The following ANKRD10 variants were observed in gnomAD, a reference collection of about 807,000 sequenced individuals.
ANKRD10 encodes the protein ankyrin repeat domain-containing protein 10.
In ANKRD10, 14 loss-of-function variants were observed where a neutral mutation model predicts 27.0. The ratio of observed to expected loss-of-function variants is 0.52; its 90% CI spans 0.34 to 0.81. The LOEUF (loss-of-function observed/expected upper bound fraction) is 0.81, where lower values mean the gene tolerates loss of function less well. Among genes scored for constraint, ANKRD10 ranks in the 40% least tolerant of loss-of-function variants. The pLI is 0.01. For synonymous variants in ANKRD10, 250 were observed against 224.5 expected (o/e 1.11, Z -1.01); for missense variants, 493 against 544.0 (o/e 0.91, Z 0.93).
chr13:110,906,004 G>C, intron 3 of ANKRD10, 29 bp downstream of exon 3: 1 of 1,551,866 alleles, frequency 6.4e-7, no homozygotes, highest in Non-Finnish European at 8.8e-7. Context: ...TACATCTTTA[G>C]CTGGAAAGAA....
intron 3 of ANKRD10, among the ~76,000 whole-genome samples, chr13:110,897,294 CTTT>C (rs35945478): frequency 1.4e-4 from 18 of 127,514 alleles, no homozygotes; most frequent in African/African-American, 3.3e-4. Context: ...TGCCTGGCTA[CTTT>C]TTTTTTTTTT....
In ANKRD10 at chr13:110,883,743, C is replaced by A; in HGVS notation, c.742G>T (p.Asp248Tyr). 6.2e-7 allele frequency: 1 copy of A among 1,614,188 alleles called. No individual in the cohort carries two copies. Among genetic ancestry groups the A allele is most frequent in the South Asian group, 1.1e-5 (1 of 91,082 alleles). The change falls in exon 5 of 6, where the codon GAT becomes TAT. Residue 248 changes from aspartate (D) to tyrosine (Y), a missense_variant. Transcript: ENST00000267339. Reference sequence around the variant, plus strand: ...CTATCAACGTGCATTTTGTCAGCATCGTCTTCTGTGTCGCCATTCGTGAGT... The same window carrying A: ...CTATCAACGTGCATTTTGTCAGCATAGTCTTCTGTGTCGCCATTCGTGAGT... ...VPLTNGDTED[D>Y]ADKMHVDREF...
chr13:110,910,824 A>C (rs1279941978), intron 1 of ANKRD10, 54 bp from the exon 2 acceptor site: 5 of 1,521,098 alleles, frequency 3.3e-6, no homozygotes, highest in Non-Finnish European at 4.4e-6. Flanking sequence ...TACACTATTC[A>C]ATATTACATG....
Position 110,879,347 on chromosome 13 carries a change from A to G in ANKRD10, c.*290T>C. Reference sequence around the variant, plus strand: ...TCTTTTAACAAAAAGAAAAATGGCAATATCTGGTGACAGTATTAAAAAGAC... The same window carrying G: ...TCTTTTAACAAAAAGAAAAATGGCAGTATCTGGTGACAGTATTAAAAAGAC... On this transcript the variant is annotated 3_prime_UTR_variant, in exon 6 of 6. Transcript: ENST00000267339. The G allele has an allele frequency of 3.0e-6, 1 of 338,338 alleles. No homozygotes were observed. Among genetic ancestry groups the G allele is most frequent in the South Asian group, 7.0e-5 (1 of 14,230 alleles). The allele number at this position is 338,338 out of a possible 1,614,324, so 21.0% of individuals were successfully genotyped here. A position where few individuals can be genotyped will look rare whatever the true frequency, so the allele number is the denominator to read the frequency against.
chr13:110,891,018 CTG>C (rs1555320547), intron 4 of ANKRD10, among the ~76,000 whole-genome samples: 1 of 152,086 alleles, frequency 6.6e-6, no homozygotes, highest in African/African-American at 2.4e-5. Context: ...CTTAGAAACT[CTG>C]AGACTAGTTT....
chr13:110,914,915 C>A lies in ANKRD10; in HGVS notation c.20G>T (p.Gly7Val). 2.0e-6 allele frequency: 3 copies of A among 1,534,964 alleles called. No individual in the cohort carries two copies. Among genetic ancestry groups the A allele is most frequent in the Non-Finnish European group, 1.7e-6 (2 of 1,145,364 alleles). ...GGAGAAGCCCGCCTCTACGCCCGCG[C>A]CCGCTCCCGCCGCCGACATGGTCCG... MSAAGA[G>V]AGVEAGFSSE... Residue 7 changes from glycine (G) to valine (V), a missense_variant, in exon 1 of 6, where the codon GGC (glycine) becomes GTC (valine). Transcript: ENST00000267339.
chr13:110,890,777 G>GA (rs1454200743), intron 4 of ANKRD10, among the ~76,000 whole-genome samples: 1 of 148,592 alleles, frequency 6.7e-6, no homozygotes, highest in Non-Finnish European at 1.5e-5. Flanking sequence ...TTGGGACCAG[G>GA]AATGTATAGT....
intron 3 of ANKRD10, among the ~76,000 whole-genome samples, chr13:110,896,295 T>G (rs1309665141): frequency 1.3e-5 from 2 of 152,232 alleles, no homozygotes; most frequent in Non-Finnish European, 2.9e-5. Context: ...CTGCTTCTAG[T>G]GAGGTACAAG....
At chr13:110,902,064 AAAAAAAAG>A (rs2065399581) in intron 3 of ANKRD10, among the ~76,000 whole-genome samples, 3 of 151,396 alleles carry the variant, frequency 2.0e-5, no homozygotes, top group African/African-American at 4.8e-5. Flanking sequence ...AAAAAAAAAA[AAAAAAAAG>A]AGGAGGCAAA....
chr13:110,884,411 G>T (rs535309442), intron 4 of ANKRD10, among the ~76,000 whole-genome samples: 1 of 152,254 alleles, frequency 6.6e-6, no homozygotes, highest in African/African-American at 2.4e-5. Flanking sequence ...AGATGCGAAT[G>T]CCCCATGTCA....
At chr13:110,904,438 G>A (rs1302593600) in intron 3 of ANKRD10, 1 of 152,124 alleles carries the variant, frequency 6.6e-6, no homozygotes, top group Non-Finnish European at 1.5e-5. Context: ...TGGCTGAAAA[G>A]ATTAAGCTAT....
chr13:110,892,914 G>A (rs1017012576), intron 4 of ANKRD10, 114 bp downstream of exon 4: 35 of 1,480,396 alleles, frequency 2.4e-5, no homozygotes, highest in Admixed American at 7.2e-5. Flanking sequence ...TCCACCAGGC[G>A]CATTACCACC....
chr13:110,915,066 G>C lies in ANKRD10; in HGVS notation c.-132C>G, dbSNP rs975168573. On this transcript the variant is annotated 5_prime_UTR_variant, in exon 1 of 6. Coordinates refer to ENST00000267339, the MANE Select transcript of ANKRD10 (RefSeq NM_017664.4). ...CGTCCCACAGGCTGCCGAGCGGAGC[G>C]CGCACAGAGGGGGCGGGGCGGGGCC... is the stretch of plus-strand genomic sequence containing the variant. 7.2e-7 allele frequency: 1 copy of C among 1,398,150 alleles called. No individual in the cohort carries two copies. The highest frequency in any genetic ancestry group is 9.3e-7 in the Non-Finnish European group (1 of 1,080,940). 86.6% of individuals were successfully genotyped at this position (1,398,150 alleles called of 1,614,324 possible).
At chr13:110,882,203 A>G (rs550168744) in intron 5 of ANKRD10, among the ~76,000 whole-genome samples, 67 of 152,314 alleles carry the variant, frequency 4.4e-4, no homozygotes, top group African/African-American at 1.5e-3. Flanking sequence ...ATAGCTGTAC[A>G]CAGTTGTTCA....
At chr13:110,893,401 TAATC>T (rs2065135849) in intron 3 of ANKRD10, 138 bp from the exon 4 acceptor site, 6 of 766,158 alleles carry the variant, frequency 7.8e-6, no homozygotes, top group South Asian at 3.8e-5. Context: ...AAGAAGTAGT[TAATC>T]AATCTAGCTC....
In ANKRD10 at chr13:110,915,006, C is replaced by A; in HGVS notation, c.-72G>T. On this transcript the variant is annotated 5_prime_UTR_variant, in exon 1 of 6. Coordinates refer to ENST00000267339, the MANE Select transcript of ANKRD10 (RefSeq NM_017664.4). ...CGGGGAGGACTCGAGAAGCCGCCGCCGCAGCACAAAGGAACGAGACTAGCG... is the reference window on the plus strand; with the variant it reads ...CGGGGAGGACTCGAGAAGCCGCCGCAGCAGCACAAAGGAACGAGACTAGCG... 1 of 1,482,978 alleles carries A rather than the reference C, an allele frequency of 6.7e-7. No individual in the cohort carries two copies. Among genetic ancestry groups the A allele is most frequent in the Admixed American group, 2.2e-5 (1 of 45,426 alleles). The allele number at this position is 1,482,978 out of a possible 1,614,324, so 91.9% of individuals were successfully genotyped here.
chr13:110,883,455 CAA>C (rs1481306907), intron 5 of ANKRD10: 6 of 1,201,262 alleles, frequency 5.0e-6, no homozygotes, highest in Non-Finnish European at 6.3e-6. Flanking sequence ...CAAACTTGCC[CAA>C]GATATGCAAA....
chr13:110,900,519 G>A (rs551211380), intron 3 of ANKRD10: 251 of 1,286,534 alleles, frequency 2.0e-4, no homozygotes, highest in Non-Finnish European at 2.4e-4. Flanking sequence ...ACCAATCACC[G>A]CAACAAATAC....
rs1275487321 is a variant in ANKRD10 at position 110,906,061 on chromosome 13, C to A, written c.427G>T (p.Ala143Ser). 1 of 1,603,396 alleles carries A rather than the reference C, an allele frequency of 6.2e-7. No individual in the cohort carries two copies. The highest frequency in any genetic ancestry group is 8.5e-7 in the Non-Finnish European group (1 of 1,174,184). Residue 143 changes from alanine (A) to serine (S), a missense_variant, in exon 3 of 6, where the codon GCC becomes TCC. Ala to Ser is a moderately conservative substitution (Grantham distance 99, BLOSUM62 1). Coordinates refer to ENST00000267339, the MANE Select transcript of ANKRD10 (RefSeq NM_017664.4). Reference sequence around the variant, plus strand: ...ACGTGAGCCCCATTCGCCACAAGGGCACTGATGCATTCTAGGCTCCCAGAG... The same window carrying A: ...ACGTGAGCCCCATTCGCCACAAGGGAACTGATGCATTCTAGGCTCCCAGAG... ...ARSGSLECIS[A>S]LVANGAHVDL...
Sources: gnomAD v4.1 joint callset for allele counts (sites outside exome capture counted in the v4.1 genomes callset) on GRCh38, gnomAD v4.1.1 for gene constraint, MANE v1.5 for transcripts, NCBI Gene and HGNC (gene_info 2026-07-23, HGNC 2026-07-21) for gene names.